PAPSS2: variants seen among roughly 807,000 people sequenced by gnomAD.
The protein encoded by PAPSS2 is bifunctional 3'-phosphoadenosine 5'-phosphosulfate synthase 2.
A neutral mutation model predicts 66.5 loss-of-function variants in PAPSS2; 61 were observed. That is an observed-to-expected ratio of 0.92 (90% CI 0.75 to 1.14). The LOEUF (loss-of-function observed/expected upper bound fraction) is 1.14, where lower values mean the gene tolerates loss of function less well. Among genes scored for constraint, PAPSS2 ranks in the 50% most tolerant of loss-of-function variants. The pLI, the probability that PAPSS2 is intolerant of heterozygous loss-of-function variation, is 0.00. For synonymous variants in PAPSS2, 289 were observed against 287.5 expected (o/e 1.01, Z -0.05); for missense variants, 708 against 789.6 (o/e 0.90, Z 1.24).
intron 1 of PAPSS2, among the ~76,000 whole-genome samples, chr10:87,700,962 A>G (rs1385992848): frequency 6.6e-6 from 1 of 151,844 alleles, no homozygotes; most frequent in Non-Finnish European, 1.5e-5. Context: ...AATTGTATCG[A>G]GGTAGCTAGA....
At chr10:87,738,070 G>C (rs530505395) in intron 9 of PAPSS2, among the ~76,000 whole-genome samples, 2 of 152,190 alleles carry the variant, frequency 1.3e-5, no homozygotes, top group Non-Finnish European at 2.9e-5. Context: ...TTTAAAGGAT[G>C]AATGATCTTC....
intron 1 of PAPSS2, among the ~76,000 whole-genome samples, chr10:87,683,604 A>G (rs1270627321): frequency 2.0e-5 from 3 of 152,112 alleles, no homozygotes; most frequent in Admixed American, 6.6e-5. Context: ...TTTGTCTTCT[A>G]TTGGATTCAT....
At chr10:87,714,913 A>G in intron 5 of PAPSS2, 50 bp downstream of exon 5, 1 of 1,428,882 alleles carries the variant, frequency 7.0e-7, no homozygotes, top group Admixed American at 1.7e-5. Flanking sequence ...ATCATGAAAG[A>G]CAATCTATGC....
At position 87,727,274 on chromosome 10, in the gene PAPSS2, C is replaced by T. The variant is rs772537897; in HGVS notation, c.881-10C>T. ...TCTAGTTTTCGTGCATCACATGGCT[C>T]TTTCCACAGATGGCGTGATCAACAT... On this transcript the variant is annotated splice_polypyrimidine_tract_variant and intron_variant, in intron 8 of 12. Coordinates refer to ENST00000456849, the MANE Select transcript of PAPSS2 (RefSeq NM_001015880.2). 23 of 1,612,102 alleles carry T rather than the reference C, an allele frequency of 1.4e-5. No homozygotes were observed. The East Asian group carries it at 5.1e-4, about 36-fold the overall frequency.
chr10:87,727,572 G>A, intron 9 of PAPSS2, 83 bp downstream of exon 9: 1 of 1,203,776 alleles, frequency 8.3e-7, no homozygotes, highest in Admixed American at 2.0e-5. Flanking sequence ...CCTTTGCAAA[G>A]GACTTAGAAA....
intron 1 of PAPSS2, among the ~76,000 whole-genome samples, chr10:87,663,257 G>T (rs576979667): frequency 6.6e-6 from 1 of 151,816 alleles, no homozygotes; most frequent in Non-Finnish European, 1.5e-5. Flanking sequence ...CACTACTGGT[G>T]TGTACCACCA....
chr10:87,660,383 C>G (rs1394197999), intron 1 of PAPSS2: 3 of 362,520 alleles, frequency 8.3e-6, no homozygotes, highest in Non-Finnish European at 1.5e-5. Context: ...CGGAGCAGAT[C>G]GAGCTGACTC....
At chr10:87,714,010 C>A (rs771689764) in intron 3 of PAPSS2, 34 bp from the exon 4 acceptor site, 5 of 1,612,048 alleles carry the variant, frequency 3.1e-6, no homozygotes, top group Non-Finnish European at 4.2e-6. Context: ...ACCGTGAAAC[C>A]TCTTTTTACA....
At chr10:87,661,479 A>T (rs1332068805) in intron 1 of PAPSS2, among the ~76,000 whole-genome samples, 1 of 152,216 alleles carries the variant, frequency 6.6e-6, no homozygotes, top group Non-Finnish European at 1.5e-5. Context: ...TCTAAATGGC[A>T]AGCCGCTGTG....
At chr10:87,713,985 G>T in intron 3 of PAPSS2, 59 bp from the exon 4 acceptor site, 1 of 1,588,534 alleles carries the variant, frequency 6.3e-7, no homozygotes. Context: ...ACAGTGTTTT[G>T]TGATTTAGAA....
intron 3 of PAPSS2, among the ~76,000 whole-genome samples, chr10:87,713,715 C>G (rs1358259062): frequency 6.6e-6 from 1 of 152,194 alleles, no homozygotes; most frequent in African/African-American, 2.4e-5. Context: ...GCTGACATCA[C>G]TGAGATGGAG....
intron 1 of PAPSS2, among the ~76,000 whole-genome samples, chr10:87,686,402 G>A (rs1853089733): frequency 6.6e-6 from 1 of 150,556 alleles, no homozygotes; most frequent in Non-Finnish European, 1.5e-5. Flanking sequence ...GGAGGGTGCA[G>A]CTATTTAGGA....
At position 87,744,990 on chromosome 10, in the gene PAPSS2, G is replaced by C; in HGVS notation, c.1492-12G>C. 1 of 1,611,836 alleles carries C rather than the reference G, an allele frequency of 6.2e-7. No homozygotes were observed. The highest frequency in any genetic ancestry group is 1.7e-5 in the Admixed American group (1 of 60,022). Reference sequence around the variant, plus strand: ...CACAATGACCAGCATGTCCCTTATGGACATTTTCTAGGTCCAGTGGCACTG... The same window carrying C: ...CACAATGACCAGCATGTCCCTTATGCACATTTTCTAGGTCCAGTGGCACTG... On this transcript the variant is annotated splice_polypyrimidine_tract_variant and intron_variant, in intron 11 of 12. Coordinates refer to ENST00000456849, the MANE Select transcript of PAPSS2 (RefSeq NM_001015880.2).
intron 1 of PAPSS2, among the ~76,000 whole-genome samples, chr10:87,664,478 G>A (rs565471036): frequency 6.6e-6 from 1 of 152,300 alleles, no homozygotes; most frequent in Non-Finnish European, 1.5e-5. Flanking sequence ...CCCAATTCAT[G>A]CCATCGCCAT....
rs958098676 is a variant in PAPSS2, at chr10:87,747,538, A to T, written c.*1568A>T. On this transcript the variant is annotated 3_prime_UTR_variant, in exon 13 of 13. Coordinates refer to ENST00000456849, the MANE Select transcript of PAPSS2 (RefSeq NM_001015880.2). Reference sequence around the variant, plus strand: ...TGCCTTTAAAAAAAAAAACCAGCATATTTATTGAAAACATGAGACAGGATT... The same window carrying T: ...TGCCTTTAAAAAAAAAAACCAGCATTTTTATTGAAAACATGAGACAGGATT... 1 of 152,654 alleles carries T rather than the reference A, an allele frequency of 6.6e-6. No homozygotes were observed. The highest frequency in any genetic ancestry group is 2.4e-5 in the African/African-American group (1 of 41,540). The allele number at this position is 152,654 out of a possible 1,614,324, so 9.5% of individuals were successfully genotyped here.
chr10:87,727,950 CAATGATACTCTCTTAGTA>C (rs1413501973), intron 9 of PAPSS2, among the ~76,000 whole-genome samples: 1 of 152,014 alleles, frequency 6.6e-6, no homozygotes, highest in Admixed American at 6.6e-5. Context: ...GTGAGGGGGT[CAATGATACTCTCTTAGTA>C]AATGATACTC....
At chr10:87,672,611 C>G (rs1333198395) in intron 1 of PAPSS2, among the ~76,000 whole-genome samples, 1 of 152,052 alleles carries the variant, frequency 6.6e-6, no homozygotes, top group Non-Finnish European at 1.5e-5. Context: ...ATCCTGATTG[C>G]CTTTGTGTAT....
chr10:87,714,658 A>C (rs576958091), intron 4 of PAPSS2, 87 bp from the exon 5 acceptor site: 1 of 865,050 alleles, frequency 1.2e-6, no homozygotes, highest in East Asian at 2.4e-5. Context: ...AGTTTAATAC[A>C]TTATTCCAAC....
Position 87,747,519 on chromosome 10 carries a change from T to TA in PAPSS2, c.*1560dup, listed in dbSNP as rs1020334614. 0.012 allele frequency: 1,701 copies of TA among 147,790 alleles called. 35 individuals carry two copies. Among genetic ancestry groups the TA allele is most frequent in the African/African-American group, 0.036 (1,469 of 40,456 alleles). 9.2% of individuals were successfully genotyped at this position (147,790 alleles called of 1,614,324 possible). ...GTAATCGGTTACTCACTACTGCCTT[T>TA]AAAAAAAAAAACCAGCATATTTATT... On this transcript the variant is annotated 3_prime_UTR_variant, in exon 13 of 13. Transcript: ENST00000456849.
Sources: allele counts gnomAD v4.1 joint callset (sites outside exome capture counted in the v4.1 genomes callset), GRCh38; gene constraint gnomAD v4.1.1; transcripts MANE v1.5; gene names NCBI Gene and HGNC (gene_info 2026-07-23, HGNC 2026-07-21).